The following NLRC4 variants were observed in gnomAD, a reference collection of about 807,000 sequenced individuals.
NLRC4 encodes NLR family CARD domain-containing protein 4.
A neutral mutation model predicts 79.9 loss-of-function variants in NLRC4; 63 were observed. The ratio of observed to expected loss-of-function variants is 0.79; its 90% CI spans 0.64 to 0.97. The LOEUF is 0.97. NLRC4 is among the 50% of genes least tolerant of loss of function. The pLI, the probability that NLRC4 is intolerant of heterozygous loss-of-function variation, is 0.00. For synonymous variants in NLRC4, 461 were observed against 456.5 expected (o/e 1.01, Z -0.12); for missense variants, 1,074 against 1,215.2 (o/e 0.88, Z 1.73).
At chr2:32,261,819 A>T (rs1479318274) in intron 1 of NLRC4, among the ~76,000 whole-genome samples, 1 of 151,786 alleles carries the variant, frequency 6.6e-6, no homozygotes, top group East Asian at 2.0e-4. Context: ...GCGGTGGCTC[A>T]CGCCTGTAAT....
chr2:32,251,882 TA>T (rs1180034244), intron 3 of NLRC4, among the ~76,000 whole-genome samples: 4 of 152,180 alleles, frequency 2.6e-5, no homozygotes, highest in Non-Finnish European at 5.9e-5. Flanking sequence ...TTAAGGAAAG[TA>T]AAGAATTTGG....
chr2:32,254,917 C>A (rs914665757), intron 2 of NLRC4, among the ~76,000 whole-genome samples: 4 of 151,746 alleles, frequency 2.6e-5, no homozygotes, highest in African/African-American at 9.7e-5. Flanking sequence ...CGCACCTGGC[C>A]GCTCCTGGCT....
In NLRC4 at chr2:32,235,717, T is replaced by C. The variant is rs1686657854; in HGVS notation, c.2615-149A>G. 21 of 613,418 alleles carry C rather than the reference T, an allele frequency of 3.4e-5. No homozygotes were observed. The East Asian group carries it at 5.6e-4, about 16-fold the overall frequency. The allele number at this position is 613,418 out of a possible 1,614,324, so 38.0% of individuals were successfully genotyped here. ...GAATCTACTTAATTTTTGGTTTTTT[T>C]TTGGAAAGTATTCAAGCATATACAA... On this transcript the variant is annotated intron_variant, in intron 7 of 8. Transcript: ENST00000402280.
chr2:32,233,744 G>C (rs1686608569), intron 8 of NLRC4, among the ~76,000 whole-genome samples: 1 of 152,156 alleles, frequency 6.6e-6, no homozygotes, highest in Non-Finnish European at 1.5e-5. Flanking sequence ...GTGCTGAGGA[G>C]AAGAATGTGT....
intron 1 of NLRC4, among the ~76,000 whole-genome samples, chr2:32,257,823 T>C (rs1251232132): frequency 6.6e-6 from 1 of 152,102 alleles, no homozygotes; most frequent in African/African-American, 2.4e-5. Flanking sequence ...TAGGGGATCA[T>C]ACAGATGGGC....
At chr2:32,228,939 T>C (rs901463226) in intron 8 of NLRC4, among the ~76,000 whole-genome samples, 1 of 151,918 alleles carries the variant, frequency 6.6e-6, no homozygotes, top group Non-Finnish European at 1.5e-5. Flanking sequence ...CTAATTTTTG[T>C]ATTTTTAGTA....
rs1687020809 is a variant in NLRC4 at position 32,249,723 on chromosome 2, A to G, written c.2141T>C (p.Ile714Thr). The G allele has an allele frequency of 1.2e-6, 2 of 1,614,056 alleles. No individual in the cohort carries two copies. Among genetic ancestry groups the G allele is most frequent in the African/African-American group, 1.3e-5 (1 of 74,920 alleles). Residue 714 changes from isoleucine to threonine, a missense_variant, in exon 4 of 9, where the codon ATT (isoleucine) becomes ACT (threonine). Coordinates refer to ENST00000402280, the MANE Select transcript of NLRC4 (RefSeq NM_001199138.2). ...LSLVLSTCKN[I>T]YSLMVEASPL... ...ACTGGCTTCCACCATGAGAGAATAA[A>G]TGTTCTTACAGGTGCTGAGGACCAA...
chr2:32,256,728 G>A (rs1573501617), intron 2 of NLRC4, 47 bp downstream of exon 2: 1 of 778,758 alleles, frequency 1.3e-6, no homozygotes, highest in Non-Finnish European at 2.4e-6. Context: ...ACCAGTATTT[G>A]GTAGCAGACT....
intron 1 of NLRC4, among the ~76,000 whole-genome samples, chr2:32,258,344 G>T (rs1252043689): frequency 6.6e-6 from 1 of 152,220 alleles, no homozygotes; most frequent in East Asian, 1.9e-4. Flanking sequence ...CTGCCTGCAA[G>T]GGTCTCTGGG....
intron 4 of NLRC4, among the ~76,000 whole-genome samples, chr2:32,243,521 G>T (rs150457817): frequency 6.6e-6 from 1 of 151,680 alleles, no homozygotes; most frequent in Non-Finnish European, 1.5e-5. Flanking sequence ...AGAATATTAC[G>T]GCAGGCGTGG....
chr2:32,263,991 T>C (rs1687409977), intron 1 of NLRC4, among the ~76,000 whole-genome samples: 1 of 152,090 alleles, frequency 6.6e-6, no homozygotes, highest in Non-Finnish European at 1.5e-5. Flanking sequence ...TATCACGAAA[T>C]AGGTGTCCCG....
intron 8 of NLRC4, among the ~76,000 whole-genome samples, chr2:32,235,132 A>T (rs1686642218): frequency 6.6e-6 from 1 of 152,216 alleles, no homozygotes; most frequent in Non-Finnish European, 1.5e-5. Context: ...CAGAAAGTTA[A>T]GGCTAGTAAG....
rs754001967 is a variant in NLRC4 at position 32,250,161 on chromosome 2, T to G, written c.1703A>C (p.Lys568Thr). The part of the protein sequence containing the change: ...GIHLYQESTS[K>T]SALSQEFEAF... The stretch of plus-strand genomic sequence containing the variant: ...TTCAAATTCTTGGCTCAGGGCTGAT[T>G]TGGATGTACTCTCTTGATATAAATG... Residue 568 changes from lysine (K) to threonine (T), a missense_variant, in exon 4 of 9, where the codon AAA becomes ACA. Coordinates refer to ENST00000402280, the MANE Select transcript of NLRC4 (RefSeq NM_001199138.2). The surrounding 1 kb of genome is among the most constrained non-coding windows in gnomAD (Gnocchi z 4.9). The G allele has an allele frequency of 6.2e-7, 1 of 1,614,238 alleles. No individual in the cohort carries two copies. The highest frequency in any genetic ancestry group is 1.3e-5 in the African/African-American group (1 of 75,054).
Position 32,238,961 on chromosome 2 carries a change from G to A in NLRC4, c.2351-659C>T, listed in dbSNP as rs80230471. On this transcript the variant is annotated intron_variant, in intron 5 of 8. Coordinates refer to ENST00000402280, the MANE Select transcript of NLRC4 (RefSeq NM_001199138.2). ...ATTAAAATACTGTCTTATCTTGATG[G>A]TACTGTAGCCTACGGGAAAGAAATA... Among the ~76,000 whole-genome samples, 1,002 of 152,224 alleles carry A rather than the reference G, an allele frequency of 6.6e-3. 15 individuals are homozygous for A. Among genetic ancestry groups the A allele is most frequent in the African/African-American group, 0.023 (969 of 41,532 alleles).
chr2:32,249,495 T>G, intron 4 of NLRC4, 112 bp downstream of exon 4: 1 of 903,728 alleles, frequency 1.1e-6, no homozygotes, highest in Non-Finnish European at 1.7e-6. Context: ...ATGGCCACCT[T>G]GCAGGCTGTA....
Position 32,250,834 on chromosome 2 carries a change from T to G in NLRC4, c.1030A>C (p.Thr344Pro). Residue 344 changes from threonine (T) to proline (P), a missense_variant, in exon 4 of 9, where the codon ACT (threonine) becomes CCT (proline). Transcript: ENST00000402280. The surrounding 1 kb of genome is among the most constrained non-coding windows in gnomAD (Gnocchi z 4.9). Reference protein sequence around the residue: ...LMKTPLFVVITCAIQMGESEF... With the variant: ...LMKTPLFVVIPCAIQMGESEF... ...CTTTCACCCATCTGGATTGCACAAG[T>G]GATGACCACAAAGAGAGGGGTCTTC... The G allele has an allele frequency of 1.2e-6, 2 of 1,614,224 alleles. No individual in the cohort carries two copies.
intron 3 of NLRC4, among the ~76,000 whole-genome samples, 175 bp downstream of exon 3, chr2:32,252,240 CAATT>C (rs1256505338): frequency 1.3e-5 from 2 of 152,216 alleles, no homozygotes; most frequent in African/African-American, 4.8e-5. Context: ...GCTTCACCAT[CAATT>C]GATCTACTAT....
At position 32,254,422 on chromosome 2, in the gene NLRC4, C is replaced by T. The variant is rs566682964; in HGVS notation, c.2-1743G>A. ...GGTTTTTATCCAATGTAAGCTCTCTCGCCAGGTCTTGAGGGTAGCTGTGTC... is the reference window on the plus strand; with the variant it reads ...GGTTTTTATCCAATGTAAGCTCTCTTGCCAGGTCTTGAGGGTAGCTGTGTC... On this transcript the variant is annotated intron_variant, in intron 2 of 8. Transcript: ENST00000402280. Among the ~76,000 whole-genome samples, 50 of 151,928 alleles carry T rather than the reference C, an allele frequency of 3.3e-4. 1 individual carries two copies. Among genetic ancestry groups the T allele is most frequent in the African/African-American group, 1.2e-3 (49 of 41,296 alleles).
intron 8 of NLRC4, among the ~76,000 whole-genome samples, chr2:32,234,009 AAGCTC>A (rs1293468298): frequency 6.6e-6 from 1 of 152,188 alleles, no homozygotes; most frequent in African/African-American, 2.4e-5. Context: ...GAAGATGAAG[AAGCTC>A]TGGAGATGGA....
Sources: allele counts gnomAD v4.1 joint callset (sites outside exome capture counted in the v4.1 genomes callset), GRCh38; gene constraint gnomAD v4.1.1; non-coding constraint Gnocchi (gnomAD v3.1); transcripts MANE v1.5; gene names NCBI Gene and HGNC (gene_info 2026-07-23, HGNC 2026-07-21).